The following CCM2 variants were observed in gnomAD, a reference collection of about 807,000 sequenced individuals.
CCM2 encodes the protein cerebral cavernous malformations 2 protein.
Under a neutral mutation model 44.9 loss-of-function variants are expected in CCM2, and 25 were observed. That is an observed-to-expected ratio of 0.56 (90% CI 0.41 to 0.78). The LOEUF (loss-of-function observed/expected upper bound fraction) is 0.78, where lower values mean the gene tolerates loss of function less well. CCM2 is among the 30% of genes least tolerant of loss of function. CCM2 has a pLI of 0.00. For synonymous variants in CCM2, 219 were observed against 241.1 expected (o/e 0.91, Z 0.85); for missense variants, 481 against 580.6 (o/e 0.83, Z 1.76).
chr7:45,025,931 G>A (rs544444867), intron 1 of CCM2, among the ~76,000 whole-genome samples: 1 of 152,304 alleles, frequency 6.6e-6, no homozygotes, highest in South Asian at 2.1e-4. Flanking sequence ...TCCTGTGCCT[G>A]TCTCTTCCCA....
rs199522537 is a variant in CCM2, at chr7:45,075,817, C to G, written c.1095C>G (p.Phe365Leu). The change falls in exon 10 of 10, where the codon TTC becomes TTG. Residue 365 changes from phenylalanine (F) to leucine (L), a missense_variant. By Grantham distance (22) the Phe-to-Leu change is conservative (BLOSUM62 0). Transcript: ENST00000258781. ...PFIPEKDSQH[F>L]ENFLETIGVK... is the part of the protein sequence containing the mutation. ...TCCCTGAGAAGGACAGCCAGCACTT[C>G]GAGAACTTCCTGGAGACCATTGGCG... 2 of 1,613,776 alleles carry G rather than the reference C, an allele frequency of 1.2e-6. No individual in the cohort carries two copies. Among genetic ancestry groups the G allele is most frequent in the Non-Finnish European group, 1.7e-6 (2 of 1,180,022 alleles).
intron 1 of CCM2, among the ~76,000 whole-genome samples, chr7:45,012,898 C>T (rs1331564037): frequency 6.6e-6 from 1 of 152,078 alleles, no homozygotes; most frequent in Non-Finnish European, 1.5e-5. Context: ...TTCAACAAGT[C>T]TGGAGTTTTA....
At chr7:45,014,447 T>C (rs1796183075) in intron 1 of CCM2, among the ~76,000 whole-genome samples, 1 of 151,810 alleles carries the variant, frequency 6.6e-6, no homozygotes, top group South Asian at 2.1e-4. Context: ...CCTATTTTAA[T>C]TTTTAATTGC....
intron 4 of CCM2, chr7:45,067,821 T>G (rs2128749533): frequency 6.4e-6 from 1 of 155,884 alleles, no homozygotes; most frequent in East Asian, 1.9e-4. Context: ...ACCCTGGCAC[T>G]AGTGGCACTT....
At chr7:45,063,838 T>G in intron 2 of CCM2, 80 bp from the exon 3 acceptor site, 2 of 975,840 alleles carry the variant, frequency 2.0e-6, no homozygotes, top group Admixed American at 1.7e-5. Flanking sequence ...AAGCACTTGG[T>G]TTGTGCTCTC....
intron 6 of CCM2, chr7:45,071,963 A>C (rs986877480): frequency 7.0e-6 from 3 of 426,762 alleles, no homozygotes; most frequent in Middle Eastern, 3.4e-4. Context: ...TTGGGGGGTC[A>C]TTATTCTGCC....
At chr7:45,050,398 G>A (rs995738665) in intron 2 of CCM2, among the ~76,000 whole-genome samples, 3 of 152,184 alleles carry the variant, frequency 2.0e-5, no homozygotes, top group African/African-American at 7.2e-5. Flanking sequence ...TGTAGGTTAT[G>A]TGCAACTAAT....
chr7:45,014,628 T>A (rs1451788357), intron 1 of CCM2, among the ~76,000 whole-genome samples: 1 of 149,800 alleles, frequency 6.7e-6, no homozygotes, highest in Non-Finnish European at 1.5e-5. Context: ...TAACCTTTTT[T>A]TTTTTTTTTT....
intron 8 of CCM2, 85 bp downstream of exon 8, chr7:45,073,656 G>A (rs1176391622): frequency 2.6e-5 from 24 of 922,126 alleles, no homozygotes; most frequent in Non-Finnish European, 3.7e-5. Flanking sequence ...AGGAGGAGGA[G>A]CAGTGCAGGG....
chr7:45,038,093 T>A (rs570099609), intron 1 of CCM2, among the ~76,000 whole-genome samples, 160 bp from the exon 2 acceptor site: 26 of 152,334 alleles, frequency 1.7e-4, no homozygotes, highest in African/African-American at 6.0e-4. Flanking sequence ...TCCCTCAGGC[T>A]TGTGTGCTGT....
chr7:45,050,171 A>G (rs1037265026), intron 2 of CCM2, among the ~76,000 whole-genome samples: 4 of 152,246 alleles, frequency 2.6e-5, no homozygotes, highest in Admixed American at 2.6e-4. Flanking sequence ...ATTGTGTTAC[A>G]GTTGCCTGCC....
intron 1 of CCM2, among the ~76,000 whole-genome samples, chr7:45,031,201 G>A (rs2128724191): frequency 6.6e-6 from 1 of 151,426 alleles, no homozygotes; most frequent in African/African-American, 2.4e-5. Flanking sequence ...TGGCCAACAT[G>A]GTGAAACCCC....
intron 2 of CCM2, among the ~76,000 whole-genome samples, chr7:45,046,649 CAT>C (rs1415480674): frequency 6.6e-6 from 1 of 152,190 alleles, no homozygotes; most frequent in Non-Finnish European, 1.5e-5. Flanking sequence ...TAGGATAAAA[CAT>C]AGAAAATCTT....
At chr7:45,040,247 G>A (rs1044425661) in intron 2 of CCM2, among the ~76,000 whole-genome samples, 121 of 151,960 alleles carry the variant, frequency 8.0e-4, no homozygotes, top group African/African-American at 2.9e-3. Context: ...AGCCGGGCGC[G>A]GTGGCGGGCA....
chr7:45,038,503 A>T, intron 2 of CCM2, 77 bp downstream of exon 2: 2 of 1,460,088 alleles, frequency 1.4e-6, no homozygotes, highest in Non-Finnish European at 1.9e-6. Context: ...GACACTCTTG[A>T]GTTTATAAGA....
chr7:45,058,588 C>A (rs539314374), intron 2 of CCM2, among the ~76,000 whole-genome samples: 1 of 149,292 alleles, frequency 6.7e-6, no homozygotes, highest in Admixed American at 6.7e-5. Flanking sequence ...TTTGTCCTTG[C>A]GATAGTTTGT....
intron 4 of CCM2, among the ~76,000 whole-genome samples, chr7:45,067,127 C>G (rs1798818203): frequency 6.6e-6 from 1 of 151,730 alleles, no homozygotes; most frequent in Non-Finnish European, 1.5e-5. Context: ...ATCTTGATCT[C>G]CTGACCTTGT....
At chr7:45,050,907 G>T (rs7800695) in intron 2 of CCM2, among the ~76,000 whole-genome samples, 34,140 of 152,070 alleles carry the variant, frequency 0.22, 3,838 homozygotes, top group Admixed American at 0.25. Flanking sequence ...AAGAGTGAAG[G>T]GGGTAGGGTA....
Position 45,064,591 on chromosome 7 carries a change from C to G in CCM2, c.417C>G (p.Ile139Met), listed in dbSNP as rs760691621. 6.2e-7 allele frequency: 1 copy of G among 1,614,022 alleles called. No homozygotes were observed. The highest frequency in any genetic ancestry group is 1.1e-5 in the South Asian group (1 of 91,076). The change falls in exon 4 of 10, where the codon ATC becomes ATG. Residue 139 changes from isoleucine to methionine, a missense_variant. Coordinates refer to ENST00000258781, the MANE Select transcript of CCM2 (RefSeq NM_031443.4). ...DIILRVPIHD[I>M]AAVSYVRDDA... ...TCCTCAGGGTGCCCATCCATGACATCGCCGCCGTCTCCTATGTTCGGGATG... is the reference window on the plus strand; with the variant it reads ...TCCTCAGGGTGCCCATCCATGACATGGCCGCCGTCTCCTATGTTCGGGATG...
Sources: allele counts gnomAD v4.1 joint callset (sites outside exome capture counted in the v4.1 genomes callset), GRCh38; gene constraint gnomAD v4.1.1; transcripts MANE v1.5; gene names NCBI Gene and HGNC (gene_info 2026-07-23, HGNC 2026-07-21).